The following KAT6B variants were observed in gnomAD, a reference collection of about 807,000 sequenced individuals.
The protein encoded by KAT6B is histone acetyltransferase KAT6B.
A neutral mutation model predicts 187.5 loss-of-function variants in KAT6B; 10 were observed. The ratio of observed to expected loss-of-function variants is 0.05; its 90% CI spans 0.03 to 0.09. The LOEUF (loss-of-function observed/expected upper bound fraction) is 0.09. KAT6B is among the 10% of genes least tolerant of loss of function. The pLI is 1.00. For missense variants in KAT6B, 1,952 were observed against 2,558.9 expected (o/e 0.76, Z 5.12); for synonymous variants, 861 against 926.8 (o/e 0.93, Z 1.29).
intron 3 of KAT6B, among the ~76,000 whole-genome samples, chr10:74,953,658 A>G (rs1840474830): frequency 6.6e-6 from 1 of 152,204 alleles, no homozygotes; most frequent in African/African-American, 2.4e-5. Context: ...GTATGGATCT[A>G]TAGGGGATTA....
At chr10:74,999,794 G>A (rs1270196909) in intron 13 of KAT6B, among the ~76,000 whole-genome samples, 1 of 152,198 alleles carries the variant, frequency 6.6e-6, no homozygotes, top group Non-Finnish European at 1.5e-5. Context: ...GAGATTCAGT[G>A]CCCCAGAGAG....
At chr10:74,860,408 T>A (rs1843096025) in intron 3 of KAT6B, among the ~76,000 whole-genome samples, 1 of 152,236 alleles carries the variant, frequency 6.6e-6, no homozygotes, top group Non-Finnish European at 1.5e-5. Flanking sequence ...ATTAAGCATT[T>A]AATATATACA....
intron 1 of KAT6B, among the ~76,000 whole-genome samples, chr10:74,837,395 A>G (rs749326246): frequency 1.1e-4 from 17 of 152,190 alleles, no homozygotes; most frequent in Non-Finnish European, 2.5e-4. Flanking sequence ...ATGATTTGCT[A>G]CCTTTTTGAT....
chr10:74,927,542 T>C (rs1252948135), intron 3 of KAT6B, among the ~76,000 whole-genome samples: 1 of 151,724 alleles, frequency 6.6e-6, no homozygotes, highest in East Asian at 1.9e-4. Flanking sequence ...AAATCCTTTC[T>C]GATTCAGAAT....
chr10:75,020,970 T>G (rs1403742601), intron 14 of KAT6B, among the ~76,000 whole-genome samples, 156 bp from the exon 15 acceptor site: 1 of 152,244 alleles, frequency 6.6e-6, no homozygotes, highest in Non-Finnish European at 1.5e-5. Flanking sequence ...TGACACTTTT[T>G]TACTGGTTGG....
chr10:74,986,716 GATTA>G (rs1348723672), intron 12 of KAT6B, among the ~76,000 whole-genome samples: 1 of 152,182 alleles, frequency 6.6e-6, no homozygotes, highest in Non-Finnish European at 1.5e-5. Context: ...AAATCTATAT[GATTA>G]ATAAATAAAA....
At chr10:74,851,220 G>C (rs1408981383) in intron 3 of KAT6B, among the ~76,000 whole-genome samples, 1 of 151,744 alleles carries the variant, frequency 6.6e-6, no homozygotes, top group Non-Finnish European at 1.5e-5. Flanking sequence ...CGATTCTCCT[G>C]CCTCAGCCTC....
At position 74,992,627 on chromosome 10, in the gene KAT6B, T is replaced by C. The variant is rs546980809; in HGVS notation, c.2629+3515T>C. 5.3e-5 allele frequency among the ~76,000 whole-genome samples: 8 copies of C among 152,294 alleles called. No individual in the cohort carries two copies. In the East Asian group the frequency reaches 1.5e-3, roughly 29 times the overall value. On this transcript the variant is annotated intron_variant, in intron 13 of 17. Transcript: ENST00000287239. ...AGTTGTAAGTTGTAAGTTGAACCAGTTGTAAGCCAAGGACTGTCTGTATAA... is the reference window on the plus strand; with the variant it reads ...AGTTGTAAGTTGTAAGTTGAACCAGCTGTAAGCCAAGGACTGTCTGTATAA...
At chr10:74,895,315 T>G (rs949024024) in intron 3 of KAT6B, among the ~76,000 whole-genome samples, 19 of 151,910 alleles carry the variant, frequency 1.3e-4, no homozygotes, top group African/African-American at 4.4e-4. Context: ...TGGTTGAAAA[T>G]ATTTTCTCCC....
intron 3 of KAT6B, among the ~76,000 whole-genome samples, chr10:74,908,073 C>T (rs553662892): frequency 1.3e-5 from 2 of 152,178 alleles, no homozygotes; most frequent in African/African-American, 4.8e-5. Flanking sequence ...AATTAATGGA[C>T]TGATGGGTTA....
At chr10:74,912,818 G>C (rs1847342141) in intron 3 of KAT6B, among the ~76,000 whole-genome samples, 1 of 152,174 alleles carries the variant, frequency 6.6e-6, no homozygotes, top group South Asian at 2.1e-4. Flanking sequence ...TGTAGATGTA[G>C]TGTTGTACCT....
intron 3 of KAT6B, among the ~76,000 whole-genome samples, chr10:74,851,211 G>A (rs1252411783): frequency 2.0e-5 from 3 of 150,146 alleles, no homozygotes; most frequent in African/African-American, 4.9e-5. Flanking sequence ...GGGTTCAAGC[G>A]ATTCTCCTGC....
At chr10:75,002,734 G>A (rs1843933174) in intron 13 of KAT6B, among the ~76,000 whole-genome samples, 1 of 152,218 alleles carries the variant, frequency 6.6e-6, no homozygotes, top group Non-Finnish European at 1.5e-5. Flanking sequence ...AAAATATGCT[G>A]TTATAATCTT....
intron 13 of KAT6B, among the ~76,000 whole-genome samples, chr10:74,998,153 T>C (rs1843572854): frequency 1.3e-5 from 2 of 151,964 alleles, no homozygotes; most frequent in Admixed American, 1.3e-4. Flanking sequence ...AGGGTCTTGC[T>C]ATGTTGCCCA....
At chr10:74,939,396 T>TTTG (rs774410157) in intron 3 of KAT6B, among the ~76,000 whole-genome samples, 34 of 152,202 alleles carry the variant, frequency 2.2e-4, no homozygotes, top group Admixed American at 8.5e-4. Context: ...AGTCTGTTTT[T>TTTG]TTGTTGTTGT....
At chr10:74,940,031 G>T (rs1204314372) in intron 3 of KAT6B, among the ~76,000 whole-genome samples, 1 of 152,116 alleles carries the variant, frequency 6.6e-6, no homozygotes, top group Admixed American at 6.5e-5. Flanking sequence ...ATTTGTGTGT[G>T]TGTGTCGGGG....
intron 3 of KAT6B, among the ~76,000 whole-genome samples, chr10:74,888,779 A>G (rs971899230): frequency 6.6e-6 from 1 of 152,222 alleles, no homozygotes; most frequent in African/African-American, 2.4e-5. Flanking sequence ...TGGAATGATT[A>G]AATGTACAGT....
intron 16 of KAT6B, 37 bp from the exon 17 acceptor site, chr10:75,024,921 A>C: frequency 6.3e-7 from 1 of 1,594,842 alleles, no homozygotes; most frequent in South Asian, 1.1e-5. Context: ...TTAATTTCTC[A>C]TGAGCTCTTA....
chr10:75,023,885 G>C (rs1845622734), intron 16 of KAT6B: 1 of 151,862 alleles, frequency 6.6e-6, no homozygotes, highest in African/African-American at 2.4e-5. Context: ...AATAATAATT[G>C]AATACAGTTT....
Sources: gnomAD v4.1 joint callset for allele counts (sites outside exome capture counted in the v4.1 genomes callset) on GRCh38, gnomAD v4.1.1 for gene constraint, MANE v1.5 for transcripts, NCBI Gene and HGNC (gene_info 2026-07-23, HGNC 2026-07-21) for gene names.